CACNA2D3: variants seen among roughly 807,000 people sequenced by gnomAD.
CACNA2D3 encodes calcium voltage-gated channel auxiliary subunit alpha2delta 3, also known as voltage-dependent calcium channel subunit alpha-2/delta-3.
CACNA2D3 carries 60 observed loss-of-function variants against 160.6 expected under a neutral mutation model. The ratio of observed to expected loss-of-function variants is 0.37; its 90% CI spans 0.30 to 0.46. The LOEUF is 0.46. Among genes scored for constraint, CACNA2D3 ranks in the 20% least tolerant of loss-of-function variants. The probability of loss-of-function intolerance (pLI) is 1.00; values close to 1 mark genes in which losing one functional copy is unlikely to be tolerated. For missense variants in CACNA2D3, 1,205 were observed against 1,365.0 expected (o/e 0.88, Z 1.85); for synonymous variants, 558 against 492.9 (o/e 1.13, Z -1.75).
At chr3:54,926,730 T>G (rs1418715060) in intron 27 of CACNA2D3, among the ~76,000 whole-genome samples, 2 of 152,192 alleles carry the variant, frequency 1.3e-5, no homozygotes, top group Admixed American at 6.5e-5. Flanking sequence ...ACATTTAGTA[T>G]TAATATTTAC....
chr3:54,922,290 A>G (rs1311119754), intron 27 of CACNA2D3, among the ~76,000 whole-genome samples: 2 of 150,406 alleles, frequency 1.3e-5, no homozygotes, highest in Non-Finnish European at 3.0e-5. Flanking sequence ...ATCCCATCCC[A>G]GGTTGCTTCC....
At chr3:54,658,556 T>A (rs1559541503) in intron 11 of CACNA2D3, among the ~76,000 whole-genome samples, 1 of 152,208 alleles carries the variant, frequency 6.6e-6, no homozygotes, top group Admixed American at 6.5e-5. Flanking sequence ...ATCTCTTATG[T>A]TTTGGAAATT....
intron 2 of CACNA2D3, among the ~76,000 whole-genome samples, chr3:54,297,726 A>G (rs1703373692): frequency 6.6e-6 from 1 of 151,500 alleles, no homozygotes; most frequent in South Asian, 2.1e-4. Flanking sequence ...AAAAAAAAAA[A>G]AAAGAGTGAA....
intron 2 of CACNA2D3, among the ~76,000 whole-genome samples, chr3:54,272,407 C>T (rs1317989263): frequency 6.6e-6 from 1 of 152,148 alleles, no homozygotes; most frequent in Non-Finnish European, 1.5e-5. Context: ...GCTCCTTAGG[C>T]CACCTGTTCC....
At chr3:54,141,691 T>C (rs1048078482) in intron 2 of CACNA2D3, among the ~76,000 whole-genome samples, 5 of 152,200 alleles carry the variant, frequency 3.3e-5, no homozygotes, top group African/African-American at 1.2e-4. Flanking sequence ...AATACATCAA[T>C]AACACATTCT....
chr3:54,745,336 A>G (rs1701734826), intron 11 of CACNA2D3, among the ~76,000 whole-genome samples: 2 of 151,868 alleles, frequency 1.3e-5, no homozygotes, highest in Non-Finnish European at 2.9e-5. Context: ...GGCAGGTGGT[A>G]TGACCTCGAG....
intron 2 of CACNA2D3, among the ~76,000 whole-genome samples, chr3:54,192,785 G>T (rs1701007211): frequency 6.6e-6 from 1 of 152,122 alleles, no homozygotes; most frequent in Non-Finnish European, 1.5e-5. Context: ...ATGAACCAGG[G>T]GTTACTAATG....
At chr3:54,505,281 A>G (rs1701351622) in intron 5 of CACNA2D3, among the ~76,000 whole-genome samples, 1 of 152,192 alleles carries the variant, frequency 6.6e-6, no homozygotes, top group Non-Finnish European at 1.5e-5. Flanking sequence ...TTAGAACACC[A>G]TGTATCACAT....
intron 27 of CACNA2D3, chr3:54,928,092 C>A: frequency 1.7e-6 from 1 of 604,490 alleles, no homozygotes; most frequent in Non-Finnish European, 2.9e-6. Flanking sequence ...TTTATTTAAG[C>A]AGCCCTTCCC....
Position 54,563,207 on chromosome 3 carries a change from G to T in CACNA2D3, c.676+276G>T, listed in dbSNP as rs554527588. Among the ~76,000 whole-genome samples, 6 of 152,284 alleles carry T rather than the reference G, an allele frequency of 3.9e-5. No homozygotes were observed. The East Asian group carries it at 1.2e-3, about 29-fold the overall frequency. On this transcript the variant is annotated intron_variant, in intron 6 of 37. Transcript: ENST00000474759. ...CTGTCACCAAATGTGAAGAACTGTA[G>T]TGTGAACTGTACCTTATTTAATACT...
At chr3:54,294,462 A>G (rs147134059) in intron 2 of CACNA2D3, among the ~76,000 whole-genome samples, 3 of 152,060 alleles carry the variant, frequency 2.0e-5, no homozygotes, top group African/African-American at 2.4e-5. Flanking sequence ...GTGGTTGCTC[A>G]TTCTTCCCTT....
chr3:55,034,114 A>G (rs1276060998), intron 35 of CACNA2D3, among the ~76,000 whole-genome samples: 1 of 151,552 alleles, frequency 6.6e-6, no homozygotes, highest in East Asian at 1.9e-4. Flanking sequence ...TATAATTTTG[A>G]TAGATCCTTG....
chr3:54,386,738 A>C lies in CACNA2D3; in HGVS notation c.345A>C (p.Glu115Asp). The change falls in exon 4 of 38, where the codon GAA becomes GAC. Residue 115 changes from glutamate (E) to aspartate (D), a missense_variant. Glu to Asp is a conservative substitution (Grantham distance 45, BLOSUM62 2). Coordinates refer to ENST00000474759, the MANE Select transcript of CACNA2D3 (RefSeq NM_018398.3). ...AGCGTCTGGTGGAGGCTGCAGAAGA[A>C]GCACACCTGAAACATGAATTTGATG... is the stretch of plus-strand genomic sequence containing the variant. ...AVRRLVEAAE[E>D]AHLKHEFDAD... The C allele has an allele frequency of 6.3e-7, 1 of 1,581,538 alleles. No homozygotes were observed. The highest frequency in any genetic ancestry group is 8.6e-7 in the Non-Finnish European group (1 of 1,164,670).
At chr3:54,557,182 C>A (rs1702254974) in intron 5 of CACNA2D3, among the ~76,000 whole-genome samples, 1 of 152,126 alleles carries the variant, frequency 6.6e-6, no homozygotes, top group East Asian at 1.9e-4. Flanking sequence ...AATATTTGAT[C>A]AAATGGGTGT....
intron 13 of CACNA2D3, among the ~76,000 whole-genome samples, chr3:54,809,388 G>A (rs962055265): frequency 7.3e-5 from 9 of 123,674 alleles, no homozygotes; most frequent in East Asian, 2.4e-4. Flanking sequence ...GCGCAATCTC[G>A]GCTCACTGCA....
chr3:55,061,453 G>A (rs1396387258), intron 35 of CACNA2D3, among the ~76,000 whole-genome samples: 1 of 152,176 alleles, frequency 6.6e-6, no homozygotes, highest in Non-Finnish European at 1.5e-5. Flanking sequence ...ATGTAGTGGT[G>A]ATGATACGGA....
At position 54,927,899 on chromosome 3, in the gene CACNA2D3, G is replaced by A. The variant is rs778821955; in HGVS notation, c.2449+28031G>A. On this transcript the variant is annotated intron_variant, in intron 27 of 37. Transcript: ENST00000474759. ...ACTTTTCCAACGGGAATTGATCAGGGCTCACCTTTCATGACTGAGTCTCCT... is the reference window on the plus strand; with the variant it reads ...ACTTTTCCAACGGGAATTGATCAGGACTCACCTTTCATGACTGAGTCTCCT... 38 of 1,613,486 alleles carry A rather than the reference G, an allele frequency of 2.4e-5. 1 individual carries two copies. The highest frequency in any genetic ancestry group is 2.9e-5 in the Non-Finnish European group (34 of 1,179,684).
At chr3:54,896,660 T>C (rs1700195888) in intron 25 of CACNA2D3, 89 bp from the exon 26 acceptor site, 1 of 1,533,036 alleles carries the variant, frequency 6.5e-7, no homozygotes, top group African/African-American at 1.4e-5. Context: ...TGAACACTGG[T>C]TTTACCTGAT....
At chr3:54,379,273 A>T (rs530438492) in intron 3 of CACNA2D3, among the ~76,000 whole-genome samples, 104 of 152,336 alleles carry the variant, frequency 6.8e-4, no homozygotes, top group African/African-American at 2.3e-3. Flanking sequence ...ATTTTATACG[A>T]AATGTTCATT....
Sources: gnomAD v4.1 joint callset for allele counts (sites outside exome capture counted in the v4.1 genomes callset) on GRCh38, gnomAD v4.1.1 for gene constraint, MANE v1.5 for transcripts, NCBI Gene and HGNC (gene_info 2026-07-23, HGNC 2026-07-21) for gene names.